GRIA3: variants seen among roughly 807,000 people sequenced by gnomAD.
GRIA3 encodes glutamate ionotropic receptor AMPA type subunit 3, also known as glutamate receptor 3.
GRIA3 carries 3 observed loss-of-function variants against 63.0 expected under a neutral mutation model. The ratio of observed to expected loss-of-function variants is 0.05; its 90% confidence interval spans 0.02 to 0.12. The LOEUF is 0.12. Among genes scored for constraint, GRIA3 ranks in the 10% least tolerant of loss-of-function variants. The probability of loss-of-function intolerance (pLI) is 1.00; values close to 1 mark genes in which losing one functional copy is unlikely to be tolerated. For missense variants in GRIA3, 347 were observed against 700.9 expected (o/e 0.50, Z 5.70); for synonymous variants, 274 against 257.9 (o/e 1.06, Z -0.60).
chrX:123,353,262 A>G (rs141345508), intron 4 of GRIA3, among the ~76,000 whole-genome samples: 1,319 of 111,974 alleles, frequency 0.012, 16 homozygotes, highest in African/African-American at 0.04. Flanking sequence ...AGCATTTGCT[A>G]TTTAGCATAT....
chrX:123,470,888 C>T (rs746558971), intron 13 of GRIA3, among the ~76,000 whole-genome samples: 2 of 112,077 alleles, frequency 1.8e-5, no homozygotes, highest in South Asian at 7.5e-4. Flanking sequence ...TAAAGGTTGA[C>T]ATTTCGGATA....
intron 3 of GRIA3, among the ~76,000 whole-genome samples, chrX:123,276,483 A>G (rs754918003): frequency 8.9e-6 from 1 of 112,093 alleles, no homozygotes; most frequent in African/African-American, 3.2e-5. Context: ...TTTGTAAACT[A>G]TACAGAGGTA....
chrX:123,403,544 G>C (rs1476419337), intron 9 of GRIA3, 25 bp downstream of exon 9: 2 of 884,873 alleles, frequency 2.3e-6, no homozygotes, highest in Non-Finnish European at 3.3e-6. Context: ...AAGGTAGGTG[G>C]GCTTTCTGTC....
chrX:123,186,732 C>T (rs895348421), intron 2 of GRIA3, among the ~76,000 whole-genome samples: 22 of 111,339 alleles, frequency 2.0e-4, no homozygotes, highest in South Asian at 1.2e-3. Flanking sequence ...CCCCCATGAT[C>T]ATTAAAGACA....
chrX:123,201,774 T>A (rs1405513983), intron 2 of GRIA3, among the ~76,000 whole-genome samples: 3 of 111,851 alleles, frequency 2.7e-5, no homozygotes, highest in Non-Finnish European at 5.6e-5. Context: ...TATTTGGGGT[T>A]TTATCACAAG....
intron 11 of GRIA3, among the ~76,000 whole-genome samples, chrX:123,418,855 A>G (rs1036114560): frequency 8.9e-6 from 1 of 112,515 alleles, no homozygotes; most frequent in Non-Finnish European, 1.9e-5. Flanking sequence ...TTTCTTATCA[A>G]GTAAGATAAA....
intron 2 of GRIA3, among the ~76,000 whole-genome samples, chrX:123,199,939 T>C (rs1927682314): frequency 9.0e-6 from 1 of 111,727 alleles, no homozygotes; most frequent in South Asian, 3.8e-4. Context: ...CCTCATTTTG[T>C]GGATGAGGAA....
At chrX:123,278,533 C>A (rs2044567763) in intron 3 of GRIA3, among the ~76,000 whole-genome samples, 1 of 112,221 alleles carries the variant, frequency 8.9e-6, no homozygotes, top group African/African-American at 3.2e-5. Context: ...CCTGTGTTTT[C>A]TTCCAGTACT....
intron 2 of GRIA3, among the ~76,000 whole-genome samples, chrX:123,252,546 G>A (rs2044396821): frequency 8.9e-6 from 1 of 112,009 alleles, no homozygotes; most frequent in African/African-American, 3.2e-5. Flanking sequence ...AGAAGAGGCA[G>A]CAATGTGGCC....
intron 3 of GRIA3, among the ~76,000 whole-genome samples, chrX:123,308,920 A>T (rs1011677181): frequency 5.3e-5 from 6 of 112,349 alleles, no homozygotes; most frequent in Admixed American, 9.4e-5. Flanking sequence ...CAGTTGCCAC[A>T]ACTTTAAGGT....
At chrX:123,410,176 G>A (rs1024807963) in intron 10 of GRIA3, among the ~76,000 whole-genome samples, 2 of 111,561 alleles carry the variant, frequency 1.8e-5, no homozygotes, top group East Asian at 2.8e-4. Context: ...ACAGCTGGGG[G>A]TTCTGCCCTT....
chrX:123,201,540 C>T (rs67691779), intron 2 of GRIA3, among the ~76,000 whole-genome samples: 9,225 of 109,249 alleles, frequency 0.084, 646 homozygotes, highest in Admixed American at 0.21. Flanking sequence ...TCATCTAGTC[C>T]GTCATCTTAA....
intron 3 of GRIA3, among the ~76,000 whole-genome samples, chrX:123,306,822 C>T (rs1014300729): frequency 8.9e-6 from 1 of 112,035 alleles, no homozygotes; most frequent in African/African-American, 3.2e-5. Context: ...CCAGATAACC[C>T]TCTCTCTAGC....
chrX:123,384,216 C>A (rs1218956944), intron 5 of GRIA3, among the ~76,000 whole-genome samples: 1 of 112,157 alleles, frequency 8.9e-6, no homozygotes, highest in Non-Finnish European at 1.9e-5. Context: ...TGGATATATA[C>A]CCAGTAATTG....
chrX:123,476,218 T>C (rs2045886325), intron 13 of GRIA3, among the ~76,000 whole-genome samples: 1 of 111,662 alleles, frequency 9.0e-6, no homozygotes, highest in Admixed American at 9.5e-5. Flanking sequence ...ACATAAGACA[T>C]AGGCATAAAT....
intron 12 of GRIA3, among the ~76,000 whole-genome samples, chrX:123,442,991 G>A (rs1171610893): frequency 3.6e-5 from 4 of 110,276 alleles, no homozygotes; most frequent in African/African-American, 6.6e-5. Context: ...CAAGCCACCC[G>A]CTCTGTGTGT....
chrX:123,479,471 T>C (rs1258209317), intron 13 of GRIA3, among the ~76,000 whole-genome samples: 2 of 112,533 alleles, frequency 1.8e-5, no homozygotes, highest in Admixed American at 9.4e-5. Context: ...TAAGAACATG[T>C]ACGTGGTACA....
chrX:123,421,147 AC>A (rs1337590551), intron 11 of GRIA3, among the ~76,000 whole-genome samples: 1 of 111,893 alleles, frequency 8.9e-6, no homozygotes, highest in African/African-American at 3.2e-5. Flanking sequence ...TTCTTACTAT[AC>A]TTTTAAGTAA....
chrX:123,344,644 G>T (rs902681263), intron 4 of GRIA3, among the ~76,000 whole-genome samples: 6 of 111,472 alleles, frequency 5.4e-5, no homozygotes, highest in African/African-American at 2.0e-4. Flanking sequence ...TTGTCTCAGG[G>T]TCTGCCTTCA....
Sources: gnomAD v4.1 joint callset for allele counts (sites outside exome capture counted in the v4.1 genomes callset) on GRCh38, gnomAD v4.1.1 for gene constraint, MANE v1.5 for transcripts, NCBI Gene and HGNC (gene_info 2026-07-23, HGNC 2026-07-21) for gene names.